The following ANK1 variants were observed in gnomAD, a reference collection of about 807,000 sequenced individuals.
The protein encoded by ANK1 is ankyrin 1, also known as ankyrin-1.
In ANK1, 51 loss-of-function variants were observed where a neutral mutation model predicts 210.4. That is an observed-to-expected ratio of 0.24 (90% confidence interval 0.19 to 0.31). ANK1 has a LOEUF of 0.31. ANK1 is among the 10% of genes least tolerant of loss of function. The pLI is 1.00. For synonymous variants in ANK1, 967 were observed against 1,025.9 expected (o/e 0.94, Z 1.10); for missense variants, 2,051 against 2,504.4 (o/e 0.82, Z 3.86).
intron 39 of ANK1, 86 bp from the exon 40 acceptor site, chr8:41,663,828 T>G (rs536479796): frequency 2.3e-5 from 24 of 1,025,264 alleles, no homozygotes; most frequent in Admixed American, 3.5e-5. Flanking sequence ...GAAACAGCAG[T>G]AGCCACAATA....
chr8:41,769,867 A>T (rs189630384), intron 1 of ANK1, among the ~76,000 whole-genome samples: 1,877 of 151,914 alleles, frequency 0.012, 35 homozygotes, highest in African/African-American at 0.038. Context: ...ATTAAAAAAA[A>T]TTTTTTGTAG....
chr8:41,667,721 C>A (rs1811014686), intron 39 of ANK1, among the ~76,000 whole-genome samples: 1 of 152,106 alleles, frequency 6.6e-6, no homozygotes, highest in Non-Finnish European at 1.5e-5. Context: ...TATCCCAGGG[C>A]CCCTCTTCTA....
Position 41,765,295 on chromosome 8 carries a change from G to A in ANK1, c.28-7158C>T, listed in dbSNP as rs960169268. Among the ~76,000 whole-genome samples, 10 of 150,282 alleles carry A rather than the reference G, an allele frequency of 6.7e-5. No individual in the cohort carries two copies. In the East Asian group the frequency reaches 1.8e-3, roughly 27 times the overall value. On this transcript the variant is annotated intron_variant, in intron 1 of 42. Coordinates refer to ENST00000289734, the MANE Select transcript of ANK1 (RefSeq NM_000037.4). Reference sequence around the variant, plus strand: ...CTCTTTCTTCCAGAGTGGTCCCCCAGTGGTGCAGTTATAGCTCACTGCAGC... The same window carrying A: ...CTCTTTCTTCCAGAGTGGTCCCCCAATGGTGCAGTTATAGCTCACTGCAGC...
intron 33 of ANK1, among the ~76,000 whole-genome samples, chr8:41,689,790 C>T (rs1239055451): frequency 6.6e-6 from 1 of 152,160 alleles, no homozygotes; most frequent in Non-Finnish European, 1.5e-5. Context: ...GGAAGATAAG[C>T]AGGTAGATGA....
intron 39 of ANK1, chr8:41,664,871 G>C: frequency 1.9e-6 from 3 of 1,613,768 alleles, no homozygotes; most frequent in African/African-American, 1.3e-5. Flanking sequence ...TGAGGCCCTC[G>C]CTCTCCCCCA....
intron 2 of ANK1, among the ~76,000 whole-genome samples, chr8:41,743,517 C>T (rs995739704): frequency 1.3e-5 from 2 of 152,198 alleles, no homozygotes; most frequent in Admixed American, 1.3e-4. Flanking sequence ...CCTTCCCTCC[C>T]CACCCAGCTG....
intron 1 of ANK1, among the ~76,000 whole-genome samples, chr8:41,895,622 G>A (rs554954431): frequency 3.3e-4 from 51 of 152,296 alleles, no homozygotes; most frequent in Non-Finnish European, 5.9e-4. Flanking sequence ...CTCTGACCAG[G>A]CCTTTGGGCC....
At chr8:41,707,192 G>A (rs569835680) in intron 17 of ANK1, among the ~76,000 whole-genome samples, 93 of 152,332 alleles carry the variant, frequency 6.1e-4, no homozygotes, top group South Asian at 1.4e-3. Flanking sequence ...AGGATTGAAC[G>A]GACCATATTC....
At chr8:41,756,230 C>T (rs1174180817) in intron 2 of ANK1, among the ~76,000 whole-genome samples, 1 of 152,080 alleles carries the variant, frequency 6.6e-6, no homozygotes, top group African/African-American at 2.4e-5. Context: ...ACTGCAACCT[C>T]CGCCTCCTGG....
intron 1 of ANK1, among the ~76,000 whole-genome samples, chr8:41,884,199 TGAGCCGGGC>T (rs1818060354): frequency 1.3e-5 from 2 of 151,930 alleles, no homozygotes; most frequent in African/African-American, 4.8e-5. Context: ...AAATAAAACA[TGAGCCGGGC>T]ATGGTGGCAT....
Position 41,704,215 on chromosome 8 carries a change from C to A in ANK1, c.2197-76G>T, listed in dbSNP as rs1178543833. 2.1e-6 allele frequency: 3 copies of A among 1,420,490 alleles called. No homozygotes were observed. Among genetic ancestry groups the A allele is most frequent in the Non-Finnish European group, 3.0e-6 (3 of 1,006,002 alleles). The allele number at this position is 1,420,490 out of a possible 1,614,324, so 88.0% of individuals were successfully genotyped here. On this transcript the variant is annotated intron_variant, in intron 19 of 42. Transcript: ENST00000289734. The surrounding 1 kb of genome is among the most constrained non-coding windows in gnomAD (Gnocchi z 4.1). ...ACCTGCCTACACATGATAGTGCCTG[C>A]CCATCTTCGAAGTGGGACATTAATG...
At chr8:41,888,361 G>A (rs552872484) in intron 1 of ANK1, among the ~76,000 whole-genome samples, 2 of 152,348 alleles carry the variant, frequency 1.3e-5, no homozygotes, top group South Asian at 4.1e-4. Flanking sequence ...GTATGCAAAT[G>A]TGATACCGCA....
At chr8:41,680,520 G>A (rs111942409) in intron 37 of ANK1, among the ~76,000 whole-genome samples, 39 of 148,896 alleles carry the variant, frequency 2.6e-4, no homozygotes, top group Non-Finnish European at 4.4e-4. Flanking sequence ...AGCTGAGATC[G>A]CACCATTGCA....
rs532673723 is a variant in ANK1 at position 41,879,526 on chromosome 8, G to C, written c.126+16829C>G. Among the ~76,000 whole-genome samples, 33 of 152,338 alleles carry C rather than the reference G, an allele frequency of 2.2e-4. 1 individual carries two copies. The South Asian group carries it at 6.6e-3, about 31-fold the overall frequency. ...GACACTGCTGCCTCTCATTCAAGGA[G>C]TGCAATGCCAGAGAGATGTAGGAAG... is the stretch of plus-strand genomic sequence containing the variant. On this transcript the variant is annotated intron_variant, in intron 1 of 42. Coordinates refer to the ANK1 transcript ENST00000265709.
intron 1 of ANK1, among the ~76,000 whole-genome samples, chr8:41,854,382 C>T (rs1811804627): frequency 6.6e-6 from 1 of 152,178 alleles, no homozygotes; most frequent in Non-Finnish European, 1.5e-5. Context: ...TCAAGCCAAT[C>T]AAGGAGCCAA....
upstream of ANK1, among the ~76,000 whole-genome samples, chr8:41,802,400 A>T (rs1289296347): frequency 1.3e-5 from 2 of 152,134 alleles, no homozygotes; most frequent in Non-Finnish European, 2.9e-5. Context: ...TCCCTGCACC[A>T]TTGATTAGCC....
intron 1 of ANK1, among the ~76,000 whole-genome samples, chr8:41,848,412 C>T (rs999318847): frequency 2.6e-5 from 4 of 152,178 alleles, no homozygotes; most frequent in Admixed American, 6.5e-5. Flanking sequence ...AAGTGGGAAG[C>T]GTGAAGCATT....
chr8:41,751,271 A>G (rs1240283671), intron 2 of ANK1, among the ~76,000 whole-genome samples: 6 of 152,232 alleles, frequency 3.9e-5, no homozygotes, highest in Non-Finnish European at 8.8e-5. Flanking sequence ...GACAAATGCC[A>G]GAGTATCTAC....
intron 1 of ANK1, among the ~76,000 whole-genome samples, chr8:41,772,628 G>T (rs570376818): frequency 6.6e-6 from 1 of 152,334 alleles, no homozygotes; most frequent in South Asian, 2.1e-4. Context: ...GACCTCTTGG[G>T]CTTACAATGC....
Sources: gnomAD v4.1 joint callset for allele counts (sites outside exome capture counted in the v4.1 genomes callset) on GRCh38, gnomAD v4.1.1 for gene constraint, Gnocchi (gnomAD v3.1) non-coding constraint, MANE v1.5 for transcripts, NCBI Gene and HGNC (gene_info 2026-07-23, HGNC 2026-07-21) for gene names.